WDR53: variants seen among roughly 807,000 people sequenced by gnomAD.
WDR53 encodes the protein WD repeat-containing protein 53.
Under a neutral mutation model 21.3 loss-of-function variants are expected in WDR53, and 19 were observed. The ratio of observed to expected loss-of-function variants is 0.89; its 90% CI spans 0.62 to 1.31. The LOEUF (loss-of-function observed/expected upper bound fraction) is 1.31. Among genes scored for constraint, WDR53 ranks in the 50% most tolerant of loss-of-function variants. WDR53 has a pLI of 0.00. For synonymous variants in WDR53, 157 were observed against 163.4 expected (o/e 0.96, Z 0.30); for missense variants, 374 against 423.2 (o/e 0.88, Z 1.02).
intron 2 of WDR53, among the ~76,000 whole-genome samples, chr3:196,565,697 G>A (rs904887431): frequency 3.3e-5 from 5 of 152,148 alleles, no homozygotes; most frequent in Admixed American, 3.3e-4. Flanking sequence ...TGTTTACTTA[G>A]TCTATAAAAC....
intron 2 of WDR53, among the ~76,000 whole-genome samples, chr3:196,565,320 A>G (rs1735274589): frequency 6.6e-6 from 1 of 151,792 alleles, no homozygotes; most frequent in Non-Finnish European, 1.5e-5. Flanking sequence ...CACGCCTGCA[A>G]TCCTAGCACT....
intron 2 of WDR53, among the ~76,000 whole-genome samples, chr3:196,561,941 ACCCACTTTT>A (rs1734909970): frequency 6.6e-6 from 1 of 152,206 alleles, no homozygotes; most frequent in Non-Finnish European, 1.5e-5. Context: ...TGAACCTGTC[ACCCACTTTT>A]CTTCTCTATA....
chr3:196,554,394 C>G lies in WDR53; in HGVS notation c.894G>C (p.Gln298His), dbSNP rs752174964. ...TTACTGAAGCGTTAGTATTTCCACC[C>G]TGCTTGGTGCAAGTTCCTCTTTTAG... ...KKPKRGTCTK[Q>H]GGNTNASVTD... is the part of the protein sequence containing the mutation. Residue 298 changes from glutamine to histidine, a missense_variant, in exon 4 of 4, where the codon CAG becomes CAC. Gln to His is a conservative substitution (Grantham distance 24). Transcript: ENST00000332629. 1.7e-5 allele frequency: 28 copies of G among 1,614,000 alleles called. No homozygotes were observed. Among genetic ancestry groups the G allele is most frequent in the Admixed American group, 1.7e-5 (1 of 59,974 alleles).
chr3:196,554,628 C>T lies in WDR53; in HGVS notation c.660G>A (p.Lys220=), dbSNP rs761871966. The T allele has an allele frequency of 2.1e-5, 34 of 1,613,982 alleles. No homozygotes were observed. Among genetic ancestry groups the T allele is most frequent in the Non-Finnish European group, 2.8e-5 (33 of 1,180,032 alleles). ...CTCCCATCACCCGAAAGATTCGAAC[C>T]TTACCATCTTCTGCACCACAACTAA... ...NIFSCGAEDG[K]VRIFRVMGVK... The change falls in exon 4 of 4, where the codon AAG becomes AAA. Residue 220 remains lysine (K), a synonymous_variant. Coordinates refer to ENST00000332629, the MANE Select transcript of WDR53 (RefSeq NM_182627.3).
At chr3:196,558,861 C>T (rs1232827877) in intron 3 of WDR53, among the ~76,000 whole-genome samples, 1 of 152,196 alleles carries the variant, frequency 6.6e-6, no homozygotes, top group African/African-American at 2.4e-5. Context: ...TACATCACAA[C>T]CCAGTGTAGA....
intron 2 of WDR53, among the ~76,000 whole-genome samples, chr3:196,566,092 C>A (rs561204596): frequency 7.8e-4 from 118 of 152,014 alleles, no homozygotes; most frequent in African/African-American, 2.8e-3. Context: ...TGAGTTTTTT[C>A]TTGTGTTTTT....
At chr3:196,567,751 TTGTGTGTGTGTGTGTG>T (rs3080583) in intron 1 of WDR53, among the ~76,000 whole-genome samples, 1,797 of 143,666 alleles carry the variant, frequency 0.013, 38 homozygotes, top group African/African-American at 0.045. Context: ...GCTGAAATTC[TTGTGTGTGTGTGTGTG>T]TGTGTGTGTG....
At chr3:196,561,619 AATT>A (rs1734883178) in intron 2 of WDR53, 128 bp from the exon 3 acceptor site, 1 of 984,958 alleles carries the variant, frequency 1.0e-6, no homozygotes, top group Non-Finnish European at 1.4e-6. Flanking sequence ...AAACTCAATT[AATT>A]AAAAAAAAAA....
At chr3:196,557,784 CTTTT>C (rs199924744) in intron 3 of WDR53, among the ~76,000 whole-genome samples, 1 of 142,636 alleles carries the variant, frequency 7.0e-6, no homozygotes, top group African/African-American at 2.6e-5. Flanking sequence ...TTTTTCTTTT[CTTTT>C]TTTTTTTTTG....
intron 2 of WDR53, 76 bp from the exon 3 acceptor site, chr3:196,561,567 AAT>A: frequency 7.3e-7 from 1 of 1,364,018 alleles, no homozygotes; most frequent in African/African-American, 1.5e-5. Flanking sequence ...TGTAATAAAC[AAT>A]ATTTCATCTT....
intron 2 of WDR53, among the ~76,000 whole-genome samples, 194 bp from the exon 3 acceptor site, chr3:196,561,685 C>A (rs1734890301): frequency 6.6e-6 from 1 of 151,882 alleles, no homozygotes; most frequent in Non-Finnish European, 1.5e-5. Context: ...AGGGTTGTAT[C>A]CTGGCTGGCA....
chr3:196,566,645 T>C lies in WDR53; in HGVS notation c.-17+232A>G, dbSNP rs9853777. Reference sequence around the variant, plus strand: ...GCCAGGCTGGTCTCAAACTCCTGACTGCAGGTGATCCGCCCGCTTCGGCCT... The same window carrying C: ...GCCAGGCTGGTCTCAAACTCCTGACCGCAGGTGATCCGCCCGCTTCGGCCT... On this transcript the variant is annotated intron_variant, in intron 2 of 3. Transcript: ENST00000332629. Among the ~76,000 whole-genome samples, 72,351 of 151,072 alleles carry C rather than the reference T, an allele frequency of 0.48. 18,231 individuals carry two copies. Among genetic ancestry groups the C allele is most frequent in the African/African-American group, 0.62 (25,409 of 41,210 alleles).
At chr3:196,563,495 A>G (rs1315384177) in intron 2 of WDR53, among the ~76,000 whole-genome samples, 1 of 152,158 alleles carries the variant, frequency 6.6e-6, no homozygotes, top group Non-Finnish European at 1.5e-5. Context: ...AAGATACTTG[A>G]ATTTAGCCCA....
chr3:196,558,435 G>A (rs1734534299), intron 3 of WDR53, among the ~76,000 whole-genome samples: 1 of 152,144 alleles, frequency 6.6e-6, no homozygotes. Context: ...TCGAACTCCT[G>A]GGCTCAAGTG....
chr3:196,561,577 CT>C (rs1002888541), intron 2 of WDR53, 86 bp from the exon 3 acceptor site: 1 of 1,256,524 alleles, frequency 8.0e-7, no homozygotes, highest in African/African-American at 1.5e-5. Context: ...AATATTTCAT[CT>C]TTTAAAATGT....
Position 196,561,384 on chromosome 3 carries a change from C to A in WDR53, c.92G>T (p.Gly31Val). ...ATCTTCACCCCAAGCCGTGAGATCT[C>A]CGCCCTCTGCTCCAGAAGCCAGCAG... ...EGLLASGAEGGDLTAWGEDGT... is the reference protein window; with the variant it reads ...EGLLASGAEGVDLTAWGEDGT... Residue 31 changes from glycine to valine, a missense_variant, in exon 3 of 4, where the codon GGA (glycine) becomes GTA (valine). Physicochemically the swap from Gly to Val is moderately radical, Grantham distance 109 (BLOSUM62 -3). Coordinates refer to ENST00000332629, the MANE Select transcript of WDR53 (RefSeq NM_182627.3). The A allele has an allele frequency of 6.2e-7, 1 of 1,614,086 alleles. No individual in the cohort carries two copies. Among genetic ancestry groups the A allele is most frequent in the Admixed American group, 1.7e-5 (1 of 60,002 alleles).
rs1381703999 is a variant in WDR53, at chr3:196,567,359, A to T, written c.-447-52T>A. Reference sequence around the variant, plus strand: ...TACTGGACTTGGTGAAAAAGACATGAGGAGAAGGGACAGGCAAATAATAAT... The same window carrying T: ...TACTGGACTTGGTGAAAAAGACATGTGGAGAAGGGACAGGCAAATAATAAT... On this transcript the variant is annotated intron_variant, in intron 1 of 3. Transcript: ENST00000332629. The T allele has an allele frequency of 6.1e-5, 24 of 395,116 alleles. No homozygotes were observed. In the Middle Eastern group the frequency reaches 1.6e-3, roughly 26 times the overall value. 24.5% of individuals were successfully genotyped at this position (395,116 alleles called of 1,614,324 possible). A position where few individuals can be genotyped will look rare whatever the true frequency, so the allele number is the denominator to read the frequency against.
rs761267512 is a variant in WDR53 at position 196,554,724 on chromosome 3, T to C, written c.564A>G (p.Pro188=). 6.2e-7 allele frequency: 1 copy of C among 1,614,200 alleles called. No individual in the cohort carries two copies. Among genetic ancestry groups the C allele is most frequent in the Non-Finnish European group, 8.5e-7 (1 of 1,180,018 alleles). ...GGTTTAAGAGCTGACCAGGTGACTG[T>C]GGGCCTTCCATTTCTTCTGTTTCAT... ...QEDETEEMEG[P]QSPGQLLNPA... is the part of the protein sequence containing the mutation. Residue 188 remains proline, a synonymous_variant, in exon 4 of 4, where the codon CCA becomes CCG. Coordinates refer to ENST00000332629, the MANE Select transcript of WDR53 (RefSeq NM_182627.3).
intron 1 of WDR53, among the ~76,000 whole-genome samples, chr3:196,568,218 C>T (rs938233729): frequency 1.3e-5 from 2 of 152,144 alleles, no homozygotes; most frequent in Non-Finnish European, 2.9e-5. Context: ...CAGGGACAGA[C>T]GTTCGCTAAG....
Sources: allele counts gnomAD v4.1 joint callset (sites outside exome capture counted in the v4.1 genomes callset), GRCh38; gene constraint gnomAD v4.1.1; transcripts MANE v1.5; gene names NCBI Gene and HGNC (gene_info 2026-07-23, HGNC 2026-07-21).